The following HIP1 variants were observed in gnomAD, a reference collection of about 807,000 sequenced individuals.
HIP1 encodes huntingtin-interacting protein 1.
Under a neutral mutation model 147.6 loss-of-function variants are expected in HIP1, and 65 were observed. The observed-to-expected ratio is 0.44, with a 90% confidence interval of 0.36 to 0.54. The LOEUF is 0.54. Among genes scored for constraint, HIP1 ranks in the 20% least tolerant of loss-of-function variants. HIP1 has a pLI of 0.00. For missense variants in HIP1, 1,061 were observed against 1,299.6 expected (o/e 0.82, Z 2.82); for synonymous variants, 479 against 504.0 (o/e 0.95, Z 0.67).
In HIP1 at chr7:75,554,137, T is replaced by C; in HGVS notation, c.2134A>G (p.Arg712Gly). 6.2e-7 allele frequency: 1 copy of C among 1,613,966 alleles called. No individual in the cohort carries two copies. Among genetic ancestry groups the C allele is most frequent in the Non-Finnish European group, 8.5e-7 (1 of 1,179,944 alleles). Reference sequence around the variant, plus strand: ...CAGTCGGCAGGCTCAGGTGGGGCTCTGAGGCAGGTGGTGGCACCATGAGCA... The same window carrying C: ...CAGTCGGCAGGCTCAGGTGGGGCTCCGAGGCAGGTGGTGGCACCATGAGCA... ...AIAHGATTCL[R>G]APPEPADSLT... The change falls in exon 21 of 31, where the codon AGA becomes GGA. Residue 712 changes from arginine (R) to glycine (G), a missense_variant. By Grantham distance (125) the Arg-to-Gly change is moderately radical. This residue lies in a region of HIP1 where 810 missense variants were observed against 946.8 expected (regional missense o/e 0.86). Coordinates refer to ENST00000336926, the MANE Select transcript of HIP1 (RefSeq NM_005338.7).
chr7:75,643,489 T>A (rs570169686), intron 1 of HIP1, among the ~76,000 whole-genome samples: 214 of 152,176 alleles, frequency 1.4e-3, no homozygotes, highest in African/African-American at 4.9e-3. Context: ...ATTAAAAGAA[T>A]TTTTTTAAGT....
rs189299730 is a variant in HIP1 at position 75,614,969 on chromosome 7, C to T, written c.121-15722G>A. Among the ~76,000 whole-genome samples the T allele has an allele frequency of 2.4e-4, 37 of 152,110 alleles. No individual in the cohort carries two copies. In the East Asian group the frequency reaches 2.7e-3, roughly 11 times the overall value. On this transcript the variant is annotated intron_variant, in intron 1 of 30. Coordinates refer to ENST00000336926, the MANE Select transcript of HIP1 (RefSeq NM_005338.7). ...TGTATTTTTAGTGGAGACGGGGTTT[C>T]ACCATGTTGGCCTGTCTTGTCTCGA...
chr7:75,640,885 C>G lies in HIP1; in HGVS notation c.121-41638G>C, dbSNP rs577148578. Among the ~76,000 whole-genome samples the G allele has an allele frequency of 6.6e-5, 10 of 152,264 alleles. No individual in the cohort carries two copies. In the South Asian group the frequency reaches 2.1e-3, roughly 32 times the overall value. On this transcript the variant is annotated intron_variant, in intron 1 of 30. Transcript: ENST00000336926. ...AAGGGGCCCTGAGGAGAAGGCATCT[C>G]CTATCATGGCCCCAGGACCTGCTGG...
In HIP1 at chr7:75,648,291, G is replaced by A. The variant is rs889370786; in HGVS notation, c.121-49044C>T. Among the ~76,000 whole-genome samples the A allele has an allele frequency of 3.9e-5, 6 of 152,144 alleles. No homozygotes were observed. In the East Asian group the frequency reaches 9.7e-4, roughly 24 times the overall value. ...GGGCTGGTTGGAGTAGCTGGGGCTC[G>A]TCGGAGTAGTTGGGGCTGATTGGAG... On this transcript the variant is annotated intron_variant, in intron 1 of 30. Transcript: ENST00000336926.
At chr7:75,664,261 T>C (rs1584932532) in intron 1 of HIP1, among the ~76,000 whole-genome samples, 1 of 145,846 alleles carries the variant, frequency 6.9e-6, no homozygotes, top group Non-Finnish European at 1.5e-5. Context: ...TACACACATA[T>C]ATGTATACAT....
At chr7:75,693,380 G>A (rs1554518400) in intron 1 of HIP1, among the ~76,000 whole-genome samples, 1 of 152,000 alleles carries the variant, frequency 6.6e-6, no homozygotes, top group Non-Finnish European at 1.5e-5. Context: ...TTTCCAGGAG[G>A]CACCCCCCAC....
intron 9 of HIP1, among the ~76,000 whole-genome samples, chr7:75,565,359 C>T (rs2116855903): frequency 6.6e-6 from 1 of 152,296 alleles, no homozygotes; most frequent in South Asian, 2.1e-4. Context: ...GGTTTGGAGC[C>T]AACAGTAACA....
Position 75,592,523 on chromosome 7 carries a change from G to A in HIP1, c.185-9C>T, listed in dbSNP as rs1584848885. 1 of 1,607,784 alleles carries A rather than the reference G, an allele frequency of 6.2e-7. No individual in the cohort carries two copies. The highest frequency in any genetic ancestry group is 8.5e-7 in the Non-Finnish European group (1 of 1,178,616). ...GGTGCCCAGTATGCACGGTGAGGGGGGGTTATGGAAAACAACGGATGGGCT... is the reference window on the plus strand; with the variant it reads ...GGTGCCCAGTATGCACGGTGAGGGGAGGTTATGGAAAACAACGGATGGGCT... On this transcript the variant is annotated splice_polypyrimidine_tract_variant and intron_variant, in intron 2 of 30. Coordinates refer to ENST00000336926, the MANE Select transcript of HIP1 (RefSeq NM_005338.7).
At chr7:75,599,691 G>A (rs1390770233) in intron 1 of HIP1, among the ~76,000 whole-genome samples, 1 of 152,010 alleles carries the variant, frequency 6.6e-6, no homozygotes, top group Non-Finnish European at 1.5e-5. Flanking sequence ...AGCCTTCTCC[G>A]GCTGGCCAGC....
chr7:75,540,657 A>C (rs1584768766), intron 29 of HIP1, among the ~76,000 whole-genome samples: 1 of 152,076 alleles, frequency 6.6e-6, no homozygotes, highest in Non-Finnish European at 1.5e-5. Context: ...GAGTACTTTA[A>C]CAATTCCAAT....
intron 1 of HIP1, among the ~76,000 whole-genome samples, chr7:75,707,652 A>C (rs1228459198): frequency 6.6e-6 from 1 of 150,640 alleles, no homozygotes; most frequent in Non-Finnish European, 1.5e-5. Flanking sequence ...GTCAATCCTA[A>C]GCCAAAAGAA....
chr7:75,549,201 C>T (rs1257549798), intron 22 of HIP1, among the ~76,000 whole-genome samples, 200 bp from the exon 23 acceptor site: 4 of 152,080 alleles, frequency 2.6e-5, no homozygotes, highest in African/African-American at 9.7e-5. Context: ...CATGCTCCTC[C>T]TCACTCAGGA....
chr7:75,580,381 A>G (rs1795992807), intron 7 of HIP1, among the ~76,000 whole-genome samples: 1 of 151,972 alleles, frequency 6.6e-6, no homozygotes, highest in South Asian at 2.1e-4. Context: ...GCTTCAGGAG[A>G]GAGGCCAGTA....
chr7:75,723,541 G>A (rs964726160), intron 1 of HIP1, among the ~76,000 whole-genome samples: 1 of 151,490 alleles, frequency 6.6e-6, no homozygotes, highest in Non-Finnish European at 1.5e-5. Context: ...GGTGGAATCC[G>A]ACATCTTGCA....
chr7:75,656,675 C>T (rs186408515), intron 1 of HIP1, among the ~76,000 whole-genome samples: 155 of 152,226 alleles, frequency 1.0e-3, no homozygotes, highest in African/African-American at 3.6e-3. Flanking sequence ...CGGGGTTTCT[C>T]CATGTTGGTC....
chr7:75,593,085 C>T (rs2116974825), intron 2 of HIP1, among the ~76,000 whole-genome samples: 2 of 152,272 alleles, frequency 1.3e-5, no homozygotes. Flanking sequence ...CCTCCTACCT[C>T]AGCCTCCCAA....
chr7:75,712,000 G>A (rs898531458), intron 1 of HIP1, among the ~76,000 whole-genome samples: 7 of 152,212 alleles, frequency 4.6e-5, no homozygotes, highest in South Asian at 2.1e-4. Context: ...AAATAGAAAC[G>A]AGAAGTAATT....
At chr7:75,545,327 A>C in intron 25 of HIP1, 139 bp from the exon 26 acceptor site, 2 of 649,666 alleles carry the variant, frequency 3.1e-6, no homozygotes, top group East Asian at 2.8e-5. Flanking sequence ...TTTACAAAAA[A>C]GAAGAAGATT....
intron 4 of HIP1, among the ~76,000 whole-genome samples, chr7:75,589,716 GA>G (rs782355375): frequency 0.012 from 350 of 28,794 alleles, 11 homozygotes; most frequent in South Asian, 0.022. Flanking sequence ...AAAAAAAAAA[GA>G]CTTTTTTTTT....
Sources: gnomAD v4.1 joint callset for allele counts (sites outside exome capture counted in the v4.1 genomes callset) on GRCh38, gnomAD v4.1.1 for gene constraint, gnomAD v4.1.1 regional missense constraint, MANE v1.5 for transcripts, NCBI Gene and HGNC (gene_info 2026-07-23, HGNC 2026-07-21) for gene names.